The following WNT7B variants were observed in gnomAD, a reference collection of about 807,000 sequenced individuals.
The protein encoded by WNT7B is protein Wnt-7b.
A neutral mutation model predicts 38.2 loss-of-function variants in WNT7B; 19 were observed. The observed-to-expected ratio is 0.50, with a 90% CI of 0.35 to 0.73. The LOEUF (loss-of-function observed/expected upper bound fraction) is 0.73. Among genes scored for constraint, WNT7B ranks in the 30% least tolerant of loss-of-function variants. The pLI, the probability that WNT7B is intolerant of heterozygous loss-of-function variation, is 0.01. For missense variants in WNT7B, 423 were observed against 507.9 expected, an observed-to-expected ratio of 0.83 and a Z score of 1.61; for synonymous variants, 243 against 209.3, an observed-to-expected ratio of 1.16 and a Z score of -1.39.
At position 45,925,422 on chromosome 22, in the gene WNT7B, G is replaced by C. The variant is rs974686474; in HGVS notation, c.571-2087C>G. 4.5e-5 allele frequency: 44 copies of C among 985,198 alleles called. No individual in the cohort carries two copies. The African/African-American group carries it at 7.0e-4, about 16-fold the overall frequency. The allele number at this position is 985,198 out of a possible 1,614,324, so 61.0% of individuals were successfully genotyped here. On this transcript the variant is annotated intron_variant, in intron 3 of 3. Coordinates refer to ENST00000339464, the MANE Select transcript of WNT7B (RefSeq NM_058238.3). ...TGATGTCCCTCCCAGGATGGCAGAG[G>C]GTGGGAGGAGCCCGGGTGTCCTGAG...
chr22:45,931,499 CCT>C, intron 2 of WNT7B, 130 bp from the exon 3 acceptor site: 1 of 1,111,572 alleles, frequency 9.0e-7, no homozygotes, highest in Non-Finnish European at 1.2e-6. Flanking sequence ...TCGCTCGCCC[CCT>C]CTGTGCCTCT....
chr22:45,958,013 T>G (rs901133424), intron 1 of WNT7B, among the ~76,000 whole-genome samples: 5 of 152,212 alleles, frequency 3.3e-5, no homozygotes, highest in Non-Finnish European at 7.3e-5. Context: ...GAAGGTTAAG[T>G]GCAGGAGACC....
intron 2 of WNT7B, among the ~76,000 whole-genome samples, chr22:45,932,994 C>A (rs1445072471): frequency 6.6e-6 from 1 of 152,208 alleles, no homozygotes; most frequent in African/African-American, 2.4e-5. Flanking sequence ...CAACGGCATG[C>A]CCAGCTTTGT....
chr22:45,962,994 C>G (rs1932230824), intron 1 of WNT7B, among the ~76,000 whole-genome samples: 1 of 152,192 alleles, frequency 6.6e-6, no homozygotes, highest in Non-Finnish European at 1.5e-5. Context: ...CTTGGCTGAG[C>G]GGCAGGTCTG....
rs374473282 is a variant in WNT7B at position 45,935,278 on chromosome 22, G to C, written c.299-3909C>G. On this transcript the variant is annotated intron_variant, in intron 2 of 3. Coordinates refer to ENST00000339464, the MANE Select transcript of WNT7B (RefSeq NM_058238.3). ...TCAGCAGCTGTCAGTGGCCCCCAAG[G>C]CCTCTGAGACGACTTCCAGTGCCTT... Among the ~76,000 whole-genome samples, 9 of 152,288 alleles carry C rather than the reference G, an allele frequency of 5.9e-5. No individual in the cohort carries two copies. In the East Asian group the frequency reaches 1.7e-3, roughly 29 times the overall value.
At position 45,931,188 on chromosome 22, in the gene WNT7B, G is replaced by C. The variant is rs375123520; in HGVS notation, c.480C>G (p.Ile160Met). 2 of 1,599,492 alleles carry C rather than the reference G, an allele frequency of 1.3e-6. No homozygotes were observed. The highest frequency in any genetic ancestry group is 1.3e-5 in the African/African-American group (1 of 74,928). The change falls in exon 3 of 4, where the codon ATC (isoleucine) becomes ATG (methionine). Residue 160 changes from isoleucine (I) to methionine (M), a missense_variant. This residue lies in a region of WNT7B where 132 missense variants were observed against 113.4 expected (regional missense o/e 1.16). Transcript: ENST00000339464. ...CGTCCACGAAGCGCCGGGAGAAGTC[G>C]ATGCCGTAACGCACGTCGGCCGAGC... is the stretch of plus-strand genomic sequence containing the variant. ...GGCSADVRYG[I>M]DFSRRFVDAR...
intron 1 of WNT7B, among the ~76,000 whole-genome samples, chr22:45,962,946 G>T (rs775399892): frequency 6.6e-6 from 1 of 152,240 alleles, no homozygotes; most frequent in Non-Finnish European, 1.5e-5. Flanking sequence ...GACACTCTGC[G>T]GCTGGGCCAG....
At chr22:45,950,182 G>A (rs777613886) in intron 1 of WNT7B, 36 bp from the exon 2 acceptor site, 11 of 1,575,330 alleles carry the variant, frequency 7.0e-6, no homozygotes, top group East Asian at 2.3e-5. Flanking sequence ...GTGAGACGGC[G>A]GCGGCCAGCG....
rs534427784 is a variant in WNT7B at position 45,960,183 on chromosome 22, A to G, written c.72-10037T>C. On this transcript the variant is annotated intron_variant, in intron 1 of 3. Coordinates refer to ENST00000339464, the MANE Select transcript of WNT7B (RefSeq NM_058238.3). ...CTGCTTCTCCTTGGCCACTTTGGCC[A>G]GGTGGCCCCAGACCTGCCCCCTCAG... Among the ~76,000 whole-genome samples the G allele has an allele frequency of 7.9e-5, 12 of 152,166 alleles. No individual in the cohort carries two copies. The South Asian group carries it at 2.5e-3, about 32-fold the overall frequency.
Position 45,922,877 on chromosome 22 carries a change from G to T in WNT7B, c.1029C>A (p.Thr343=). 1 of 1,602,630 alleles carries T rather than the reference G, an allele frequency of 6.2e-7. No homozygotes were observed. ...FVKCNTCSER[T]EVFTCK is the part of the protein sequence containing the mutation. The stretch of plus-strand genomic sequence containing the variant: ...GGCCTCACTTGCAGGTGAAGACCTC[G>T]GTGCGCTCGCTGCAGGTGTTGCACT... The change falls in exon 4 of 4, where the codon ACC becomes ACA. Residue 343 remains threonine, a synonymous_variant. Coordinates refer to ENST00000339464, the MANE Select transcript of WNT7B (RefSeq NM_058238.3).
At chr22:45,974,883 C>T (rs181135382) in intron 1 of WNT7B, among the ~76,000 whole-genome samples, 1 of 152,270 alleles carries the variant, frequency 6.6e-6, no homozygotes, top group East Asian at 1.9e-4. Context: ...TTGGGAAGGG[C>T]ATACAGACCT....
intron 2 of WNT7B, among the ~76,000 whole-genome samples, chr22:45,932,101 C>T (rs961841336): frequency 5.3e-5 from 8 of 152,200 alleles, no homozygotes; most frequent in Admixed American, 2.6e-4. Context: ...TTCATCTCCC[C>T]AGCCACCAGC....
rs1035807187 is a variant in WNT7B at position 45,965,291 on chromosome 22, G to C, written c.71+11393C>G. On this transcript the variant is annotated intron_variant, in intron 1 of 3. Coordinates refer to ENST00000339464, the MANE Select transcript of WNT7B (RefSeq NM_058238.3). The surrounding 1 kb of genome is among the most constrained non-coding windows in gnomAD (Gnocchi z 6.5). ...GGCCACCCTCATCACAGATGGCTTA[G>C]AGCTCCTGCTGTGGGTCCCACAGGG... 1.3e-5 allele frequency among the ~76,000 whole-genome samples: 2 copies of C among 152,290 alleles called. No individual in the cohort carries two copies. The highest frequency in any genetic ancestry group is 1.3e-4 in the Admixed American group (2 of 15,288).
At chr22:45,974,050 C>T (rs1797334340) in intron 1 of WNT7B, among the ~76,000 whole-genome samples, 2 of 152,094 alleles carry the variant, frequency 1.3e-5, no homozygotes, top group South Asian at 2.1e-4. Context: ...GGAGGAGTCC[C>T]CAGGGTGTCA....
intron 2 of WNT7B, among the ~76,000 whole-genome samples, chr22:45,942,898 TGC>T (rs1244658911): frequency 6.6e-6 from 1 of 151,378 alleles, no homozygotes; most frequent in Non-Finnish European, 1.5e-5. Flanking sequence ...TGCGTGTGTG[TGC>T]GCGCGTGTGT....
chr22:45,929,370 A>C (rs1014568923), intron 3 of WNT7B, among the ~76,000 whole-genome samples: 2 of 150,636 alleles, frequency 1.3e-5, no homozygotes, highest in African/African-American at 4.9e-5. Context: ...CCATCTATTC[A>C]CCCATCCACC....
rs745342392 is a variant in WNT7B, at chr22:45,976,773, GC to G, written c.-20del. The G allele has an allele frequency of 1.2e-6, 2 of 1,600,626 alleles. 1 individual carries two copies. The highest frequency in any genetic ancestry group is 2.2e-5 in the South Asian group (2 of 90,512). On this transcript the variant is annotated 5_prime_UTR_variant, in exon 1 of 4. Transcript: ENST00000339464. The surrounding 1 kb of genome is among the most constrained non-coding windows in gnomAD (Gnocchi z 8.5). ...TGTGCATGATCCAGGGAGGGGGGCT[GC>G]GCCATAGACAGCGGCGGCCGGAGGG...
rs1388937798 is a variant in WNT7B, at chr22:45,966,083, C to T, written c.71+10601G>A. Among the ~76,000 whole-genome samples the T allele has an allele frequency of 6.6e-6, 1 of 152,220 alleles. No homozygotes were observed. Among genetic ancestry groups the T allele is most frequent in the African/African-American group, 2.4e-5 (1 of 41,456 alleles). On this transcript the variant is annotated intron_variant, in intron 1 of 3. Transcript: ENST00000339464. The surrounding 1 kb of genome is among the most constrained non-coding windows in gnomAD (Gnocchi z 4.2). ...AGACGGGCCTCTCCTAGCTCCCCTT[C>T]TCTGGCAGCCCGAGGGGGACACAGA...
chr22:45,931,504 G>C (rs1931358852), intron 2 of WNT7B, 135 bp from the exon 3 acceptor site: 1 of 1,112,734 alleles, frequency 9.0e-7, no homozygotes, highest in African/African-American at 1.6e-5. Context: ...CGCCCCCTCT[G>C]TGCCTCTGAC....
Sources: allele counts gnomAD v4.1 joint callset (sites outside exome capture counted in the v4.1 genomes callset), GRCh38; gene constraint gnomAD v4.1.1; regional missense constraint gnomAD v4.1.1; non-coding constraint Gnocchi (gnomAD v3.1); transcripts MANE v1.5; gene names NCBI Gene and HGNC (gene_info 2026-07-23, HGNC 2026-07-21).